The following CPLX1 variants were observed in gnomAD, a reference collection of about 807,000 sequenced individuals.
The protein encoded by CPLX1 is complexin-1.
Under a neutral mutation model 15.6 loss-of-function variants are expected in CPLX1, and 6 were observed. That is an observed-to-expected ratio of 0.39 (90% CI 0.21 to 0.76). The LOEUF (loss-of-function observed/expected upper bound fraction) is 0.76, where lower values mean the gene tolerates loss of function less well. Among genes scored for constraint, CPLX1 ranks in the 30% least tolerant of loss-of-function variants. CPLX1 has a pLI of 0.43. For missense variants in CPLX1, 242 were observed against 188.6 expected, an observed-to-expected ratio of 1.28 and a Z score of -1.66; for synonymous variants, 91 against 75.2, an observed-to-expected ratio of 1.21 and a Z score of -1.08.
In CPLX1 at chr4:802,514, G is replaced by T. The variant is rs544343989; in HGVS notation, c.32-9906C>A. 8.5e-5 allele frequency among the ~76,000 whole-genome samples: 13 copies of T among 152,234 alleles called. No homozygotes were observed. In the South Asian group the frequency reaches 2.5e-3, roughly 29 times the overall value. On this transcript the variant is annotated intron_variant, in intron 2 of 3. Coordinates refer to ENST00000304062, the MANE Select transcript of CPLX1 (RefSeq NM_006651.4). The stretch of plus-strand genomic sequence containing the variant: ...AAATTAAAAGCTAGAGATATTACAG[G>T]CCATTTTCCCTGATCATAATCTAAT...
At chr4:820,971 T>C (rs760274240) in intron 2 of CPLX1, among the ~76,000 whole-genome samples, 7 of 151,988 alleles carry the variant, frequency 4.6e-5, no homozygotes, top group East Asian at 1.9e-4. Flanking sequence ...ACGAGACACT[T>C]CTCGTCCACC....
intron 2 of CPLX1, 149 bp from the exon 3 acceptor site, chr4:792,757 C>A: frequency 1.3e-6 from 1 of 784,802 alleles, no homozygotes; most frequent in Non-Finnish European, 2.0e-6. Context: ...TCCAGCCGCT[C>A]CTCCCACCTC....
chr4:805,018 G>T lies in CPLX1; in HGVS notation c.32-12410C>A, dbSNP rs1257061502. 2.9e-5 allele frequency: 23 copies of T among 801,938 alleles called. No homozygotes were observed. In the African/African-American group the frequency reaches 4.3e-4, roughly 15 times the overall value. The allele number at this position is 801,938 out of a possible 1,614,324, so 49.7% of individuals were successfully genotyped here. A position where few individuals can be genotyped will look rare whatever the true frequency, so the allele number is the denominator to read the frequency against. On this transcript the variant is annotated intron_variant, in intron 2 of 3. Transcript: ENST00000304062. ...TCTGTGGAGAAACGTGCCCACGCAC[G>T]CTCGCGCACCGTCTGTCTCGGCAGC...
Position 786,374 on chromosome 4 carries a change from A to G in CPLX1, c.*127T>C, listed in dbSNP as rs1264451192. Reference sequence around the variant, plus strand: ...GGTGAGGGAGGCGGCGGGCGCGGGCAGGGCGGGCCTGGGGCTATGGCTTAT... The same window carrying G: ...GGTGAGGGAGGCGGCGGGCGCGGGCGGGGCGGGCCTGGGGCTATGGCTTAT... On this transcript the variant is annotated 3_prime_UTR_variant, in exon 4 of 4. Transcript: ENST00000304062. 8 of 1,024,248 alleles carry G rather than the reference A, an allele frequency of 7.8e-6. No individual in the cohort carries two copies. The highest frequency in any genetic ancestry group is 1.8e-5 in the African/African-American group (1 of 55,992). 63.4% of individuals were successfully genotyped at this position (1,024,248 alleles called of 1,614,324 possible). A position where few individuals can be genotyped will look rare whatever the true frequency, so the allele number is the denominator to read the frequency against.
intron 2 of CPLX1, among the ~76,000 whole-genome samples, chr4:821,538 C>A (rs887342409): frequency 1.3e-5 from 2 of 152,240 alleles, no homozygotes; most frequent in Non-Finnish European, 2.9e-5. Flanking sequence ...CCATGAGGGT[C>A]TGCAGTGACC....
chr4:824,942 T>G, intron 1 of CPLX1: 1 of 371,258 alleles, frequency 2.7e-6, no homozygotes, highest in Non-Finnish European at 5.3e-6. Context: ...GCTCTGCAGC[T>G]CAGTGTCTGG....
chr4:786,479 G>C lies in CPLX1; in HGVS notation c.*22C>G, dbSNP rs536471967. On this transcript the variant is annotated 3_prime_UTR_variant, in exon 4 of 4. Coordinates refer to ENST00000304062, the MANE Select transcript of CPLX1 (RefSeq NM_006651.4). ...GTAGGGGGAGGGGCGGGGGCTCCGC[G>C]GGGCCGCTGTCCCGCGCGCGGCTAC... 6.5e-7 allele frequency: 1 copy of C among 1,528,990 alleles called. No homozygotes were observed. Among genetic ancestry groups the C allele is most frequent in the African/African-American group, 1.4e-5 (1 of 71,950 alleles). The allele number at this position is 1,528,990 out of a possible 1,614,324, so 94.7% of individuals were successfully genotyped here. A position where few individuals can be genotyped will look rare whatever the true frequency, so the allele number is the denominator to read the frequency against.
chr4:798,438 G>A (rs965159556), intron 2 of CPLX1, among the ~76,000 whole-genome samples: 1 of 152,174 alleles, frequency 6.6e-6, no homozygotes, highest in Non-Finnish European at 1.5e-5. Flanking sequence ...CTTAGACAGG[G>A]TCTTGCTCCG....
intron 2 of CPLX1, among the ~76,000 whole-genome samples, chr4:811,582 A>G (rs1295490766): frequency 6.6e-6 from 1 of 152,238 alleles, no homozygotes; most frequent in Non-Finnish European, 1.5e-5. Context: ...GTTGGAGAAT[A>G]TATTTGCATG....
chr4:813,521 C>G (rs539008339), intron 2 of CPLX1, among the ~76,000 whole-genome samples: 5 of 152,268 alleles, frequency 3.3e-5, no homozygotes, highest in Non-Finnish European at 7.4e-5. Flanking sequence ...ATAAAGGGCA[C>G]TGGGCCCACC....
chr4:810,518 C>T (rs1746648319), intron 2 of CPLX1, among the ~76,000 whole-genome samples: 1 of 152,196 alleles, frequency 6.6e-6, no homozygotes, highest in South Asian at 2.1e-4. Flanking sequence ...TCTCCACATG[C>T]GTGAGTGGCT....
In CPLX1 at chr4:786,479, G is replaced by T; in HGVS notation, c.*22C>A. The T allele has an allele frequency of 1.3e-6, 2 of 1,529,104 alleles. No individual in the cohort carries two copies. Among genetic ancestry groups the T allele is most frequent in the Non-Finnish European group, 1.8e-6 (2 of 1,134,034 alleles). The allele number at this position is 1,529,104 out of a possible 1,614,324, so 94.7% of individuals were successfully genotyped here. Reference sequence around the variant, plus strand: ...GTAGGGGGAGGGGCGGGGGCTCCGCGGGGCCGCTGTCCCGCGCGCGGCTAC... The same window carrying T: ...GTAGGGGGAGGGGCGGGGGCTCCGCTGGGCCGCTGTCCCGCGCGCGGCTAC... On this transcript the variant is annotated 3_prime_UTR_variant, in exon 4 of 4. Coordinates refer to ENST00000304062, the MANE Select transcript of CPLX1 (RefSeq NM_006651.4).
intron 2 of CPLX1, among the ~76,000 whole-genome samples, chr4:797,269 G>GC (rs1746360499): frequency 1.3e-5 from 2 of 152,186 alleles, no homozygotes; most frequent in African/African-American, 4.8e-5. Flanking sequence ...CTAACAGAAA[G>GC]CCCCATGGGA....
intron 1 of CPLX1, chr4:824,895 G>A (rs1338084005): frequency 1.2e-5 from 5 of 434,388 alleles, no homozygotes; most frequent in African/African-American, 1.0e-4. Context: ...GCGGAAGCAG[G>A]GGCGGGGCCC....
intron 3 of CPLX1, chr4:788,571 C>T (rs1746071793): frequency 1.0e-6 from 1 of 985,346 alleles, no homozygotes; most frequent in Non-Finnish European, 1.2e-6. Flanking sequence ...ACCCAGAGGG[C>T]CCTGCAGGCC....
At chr4:795,993 C>T (rs1488659227) in intron 2 of CPLX1, among the ~76,000 whole-genome samples, 1 of 152,162 alleles carries the variant, frequency 6.6e-6, no homozygotes, top group Non-Finnish European at 1.5e-5. Flanking sequence ...CCTCCCAGAC[C>T]TTTGCTGGAG....
At chr4:800,264 T>C (rs1425965376) in intron 2 of CPLX1, among the ~76,000 whole-genome samples, 1 of 152,096 alleles carries the variant, frequency 6.6e-6, no homozygotes, top group Non-Finnish European at 1.5e-5. Context: ...TTTCTTAACA[T>C]CTTCAAAAGA....
intron 2 of CPLX1, among the ~76,000 whole-genome samples, chr4:803,441 T>A (rs1008941259): frequency 5.3e-5 from 8 of 152,130 alleles, no homozygotes; most frequent in African/African-American, 7.2e-5. Context: ...CCCAGGCTGG[T>A]GTACAGTGGC....
At chr4:794,277 C>G (rs1746269792) in intron 2 of CPLX1, among the ~76,000 whole-genome samples, 3 of 152,252 alleles carry the variant, frequency 2.0e-5, no homozygotes. Context: ...TTTCCCTGCC[C>G]CCCATATCCT....
Sources: allele counts gnomAD v4.1 joint callset (sites outside exome capture counted in the v4.1 genomes callset), GRCh38; gene constraint gnomAD v4.1.1; transcripts MANE v1.5; gene names NCBI Gene and HGNC (gene_info 2026-07-23, HGNC 2026-07-21).